Variants in FSTL4 observed in about 807,000 individuals in gnomAD.
FSTL4 encodes follistatin like 4.
Under a neutral mutation model 78.2 loss-of-function variants are expected in FSTL4, and 28 were observed. That is an observed-to-expected ratio of 0.36 (90% CI 0.27 to 0.49). The LOEUF (loss-of-function observed/expected upper bound fraction) is 0.49. Ranked by LOEUF, FSTL4 falls within the 20% of genes least tolerant of loss-of-function variation. The pLI, the probability that FSTL4 is intolerant of heterozygous loss-of-function variation, is 0.98. For missense variants in FSTL4, 922 were observed against 1,084.9 expected (o/e 0.85, Z 2.11); for synonymous variants, 422 against 440.5 (o/e 0.96, Z 0.53).
intron 4 of FSTL4, among the ~76,000 whole-genome samples, chr5:133,382,887 T>G (rs951067312): frequency 4.7e-5 from 7 of 149,982 alleles, no homozygotes; most frequent in Non-Finnish European, 1.5e-5. Context: ...GGTGAGAAGA[T>G]GAGGAGGAGT....
intron 3 of FSTL4, among the ~76,000 whole-genome samples, chr5:133,484,709 G>A (rs1019659944): frequency 6.6e-6 from 1 of 152,198 alleles, no homozygotes; most frequent in Admixed American, 6.5e-5. Flanking sequence ...ACATAACACA[G>A]TGAAAAGAGC....
At chr5:133,415,877 G>C (rs188604793) in intron 3 of FSTL4, among the ~76,000 whole-genome samples, 1 of 152,310 alleles carries the variant, frequency 6.6e-6, no homozygotes, top group Non-Finnish European at 1.5e-5. Flanking sequence ...TGAACTCTGT[G>C]GTTGGACTGG....
intron 6 of FSTL4, chr5:133,270,047 C>T (rs1752734379): frequency 6.6e-6 from 1 of 152,202 alleles, no homozygotes; most frequent in Non-Finnish European, 1.5e-5. Context: ...TAACATGGCC[C>T]TTCCTGCAGG....
intron 3 of FSTL4, among the ~76,000 whole-genome samples, chr5:133,550,449 C>T (rs1300761540): frequency 6.6e-6 from 1 of 152,130 alleles, no homozygotes; most frequent in Non-Finnish European, 1.5e-5. Context: ...ATACTACAGG[C>T]CCACTTAGAA....
At chr5:133,313,514 A>C (rs999427560) in intron 5 of FSTL4, among the ~76,000 whole-genome samples, 1 of 152,040 alleles carries the variant, frequency 6.6e-6, no homozygotes, top group Non-Finnish European at 1.5e-5. Flanking sequence ...AATTCTAGGC[A>C]CCCTCACTCA....
intron 3 of FSTL4, among the ~76,000 whole-genome samples, chr5:133,501,691 G>A (rs975498054): frequency 6.6e-6 from 1 of 152,190 alleles, no homozygotes; most frequent in Non-Finnish European, 1.5e-5. Context: ...TGAATATGAT[G>A]AAGTACCATT....
At chr5:133,557,184 C>T (rs1167987629) in intron 3 of FSTL4, among the ~76,000 whole-genome samples, 4 of 152,204 alleles carry the variant, frequency 2.6e-5, no homozygotes, top group Non-Finnish European at 2.9e-5. Flanking sequence ...TGAGTTCAAA[C>T]TCACACTCTG....
chr5:133,396,027 C>G (rs932967309), intron 4 of FSTL4, among the ~76,000 whole-genome samples: 7 of 152,176 alleles, frequency 4.6e-5, no homozygotes, highest in African/African-American at 1.7e-4. Flanking sequence ...TAACTTTGAT[C>G]AACTGGAGGT....
At chr5:133,628,580 G>A in the FSTL4 span, among the ~76,000 whole-genome samples, 108 of 151,932 alleles carry the variant, frequency 7.1e-4, 2 homozygotes, top group African/African-American at 2.3e-3. Flanking sequence ...GGCTGGTCTC[G>A]AACTCCCAAC....
chr5:133,477,648 CG>C (rs1302151910), intron 3 of FSTL4, among the ~76,000 whole-genome samples: 3 of 152,156 alleles, frequency 2.0e-5, no homozygotes, highest in African/African-American at 4.8e-5. Flanking sequence ...CAGGAAGACA[CG>C]GGGGGAAAAT....
At chr5:133,578,053 G>C in intron 2 of FSTL4, among the ~76,000 whole-genome samples, 1 of 152,238 alleles carries the variant, frequency 6.6e-6, no homozygotes, top group Non-Finnish European at 1.5e-5. Flanking sequence ...AGTATTACAT[G>C]AGGCTGGGAA....
At chr5:133,395,187 A>C (rs917144324) in intron 4 of FSTL4, among the ~76,000 whole-genome samples, 2 of 151,870 alleles carry the variant, frequency 1.3e-5, no homozygotes, top group South Asian at 2.1e-4. Flanking sequence ...GTCCCCTTCC[A>C]CCCCGTGGAA....
chr5:133,641,425 A>G, the FSTL4 span, among the ~76,000 whole-genome samples: 2 of 152,118 alleles, frequency 1.3e-5, no homozygotes, highest in Non-Finnish European at 2.9e-5. Flanking sequence ...AAACTTAACA[A>G]CTGTTTTAAA....
intron 4 of FSTL4, among the ~76,000 whole-genome samples, chr5:133,348,505 T>C (rs1406327618): frequency 6.6e-6 from 1 of 151,892 alleles, no homozygotes; most frequent in East Asian, 1.9e-4. Context: ...CCCATAGGAG[T>C]TGGTGGGGGT....
chr5:133,805,009 T>A, the FSTL4 span, among the ~76,000 whole-genome samples: 1 of 150,192 alleles, frequency 6.7e-6, no homozygotes, highest in Non-Finnish European at 1.5e-5. Context: ...TCAGGCAACC[T>A]TCTCCTAATG....
At chr5:133,424,543 T>C (rs1756765158) in intron 3 of FSTL4, among the ~76,000 whole-genome samples, 2 of 152,362 alleles carry the variant, frequency 1.3e-5, no homozygotes, top group South Asian at 4.1e-4. Flanking sequence ...CTGGGTTCTC[T>C]ACGACTTCCC....
At chr5:133,788,628 T>G in the FSTL4 span, among the ~76,000 whole-genome samples, 718 of 152,296 alleles carry the variant, frequency 4.7e-3, 4 homozygotes, top group African/African-American at 0.016. Flanking sequence ...TTGCTCTCTC[T>G]CGCGGCAAAC....
chr5:133,745,941 G>A, the FSTL4 span, among the ~76,000 whole-genome samples: 2 of 152,084 alleles, frequency 1.3e-5, no homozygotes, highest in Non-Finnish European at 2.9e-5. Flanking sequence ...AATATTGAAG[G>A]GACAGTTAAT....
the FSTL4 span, among the ~76,000 whole-genome samples, chr5:133,691,522 C>A: frequency 6.6e-6 from 1 of 152,134 alleles, no homozygotes; most frequent in Admixed American, 6.5e-5. Context: ...GTGGACCTCC[C>A]ACATCATTTC....
Sources: gnomAD v4.1 joint callset for allele counts (sites outside exome capture counted in the v4.1 genomes callset) on GRCh38, gnomAD v4.1.1 for gene constraint, MANE v1.5 for transcripts, NCBI Gene and HGNC (gene_info 2026-07-23, HGNC 2026-07-21) for gene names.